The following VIPAS39 variants were observed in gnomAD, a reference collection of about 807,000 sequenced individuals.
VIPAS39 encodes spermatogenesis-defective protein 39 homolog.
In VIPAS39, 63 loss-of-function variants were observed where a neutral mutation model predicts 84.7. The observed-to-expected ratio is 0.74, with a 90% CI of 0.61 to 0.92. The LOEUF (loss-of-function observed/expected upper bound fraction) is 0.92, where lower values mean the gene tolerates loss of function less well. Among genes scored for constraint, VIPAS39 ranks in the 40% least tolerant of loss-of-function variants. The pLI is 0.00. For missense variants in VIPAS39, 499 were observed against 604.5 expected (o/e 0.83, Z 1.83); for synonymous variants, 192 against 216.5 (o/e 0.89, Z 0.99).
At chr14:77,444,469 A>G (rs1238934144) in intron 7 of VIPAS39, 128 bp from the exon 8 acceptor site, 12 of 798,992 alleles carry the variant, frequency 1.5e-5, no homozygotes, top group Non-Finnish European at 2.3e-5. Flanking sequence ...TTTTTACCCT[A>G]TGGTCCCCAG....
At chr14:77,434,198 C>A in intron 15 of VIPAS39, 64 bp downstream of exon 15, 1 of 1,506,046 alleles carries the variant, frequency 6.6e-7, no homozygotes, top group East Asian at 2.3e-5. Flanking sequence ...GGTTACAAAG[C>A]AACATCCACT....
Position 77,427,379 on chromosome 14 carries a change from T to G in VIPAS39, c.*237A>C, listed in dbSNP as rs564726501. 61 of 573,954 alleles carry G rather than the reference T, an allele frequency of 1.1e-4. 1 individual carries two copies. In the South Asian group the frequency reaches 1.2e-3, roughly 12 times the overall value. The allele number at this position is 573,954 out of a possible 1,614,324, so 35.6% of individuals were successfully genotyped here. ...TCTAGAAATCACTCCCACCTTCATA[T>G]GAGCACCAGGTGGAGAGAATCATTC... On this transcript the variant is annotated 3_prime_UTR_variant, in exon 20 of 20. Transcript: ENST00000557658.
intron 3 of VIPAS39, 83 bp downstream of exon 3, chr14:77,453,216 C>T: frequency 7.5e-7 from 1 of 1,335,338 alleles, no homozygotes; most frequent in Non-Finnish European, 1.1e-6. Flanking sequence ...TCCTAACTAG[C>T]ATTGAAGAAA....
chr14:77,441,475 T>C (rs545046772), intron 10 of VIPAS39, among the ~76,000 whole-genome samples: 1 of 152,288 alleles, frequency 6.6e-6, no homozygotes, highest in African/African-American at 2.4e-5. Context: ...GAGTACAATG[T>C]GTTTTGTCTC....
chr14:77,453,088 C>T (rs952068313), intron 3 of VIPAS39, among the ~76,000 whole-genome samples: 2 of 152,196 alleles, frequency 1.3e-5, no homozygotes, highest in Non-Finnish European at 2.9e-5. Flanking sequence ...GAGTCAACCC[C>T]TGAAGAGCAG....
At chr14:77,453,442 C>A in intron 2 of VIPAS39, 41 bp from the exon 3 acceptor site, 1 of 1,567,594 alleles carries the variant, frequency 6.4e-7, no homozygotes, top group Non-Finnish European at 8.8e-7. Flanking sequence ...GGCAAATCAT[C>A]ATTTCCCACC....
intron 13 of VIPAS39, 89 bp from the exon 14 acceptor site, chr14:77,435,482 G>A (rs2078596030): frequency 1.9e-6 from 3 of 1,541,832 alleles, no homozygotes; most frequent in Non-Finnish European, 2.6e-6. Flanking sequence ...TACAGCAGTT[G>A]TGTTTCCCAC....
At chr14:77,447,822 G>GAA (rs1566735625) in intron 7 of VIPAS39, among the ~76,000 whole-genome samples, 9 of 151,656 alleles carry the variant, frequency 5.9e-5, no homozygotes, top group African/African-American at 2.2e-4. Context: ...CACCACGCCC[G>GAA]CCTAATTTTT....
intron 4 of VIPAS39, 46 bp downstream of exon 4, chr14:77,451,140 TG>T (rs1324677104): frequency 6.2e-7 from 1 of 1,613,550 alleles, no homozygotes; most frequent in Non-Finnish European, 8.5e-7. Flanking sequence ...AAGATTTTTC[TG>T]GAAAAAGAGA....
intron 16 of VIPAS39, among the ~76,000 whole-genome samples, chr14:77,430,969 A>G (rs2078513479): frequency 6.6e-6 from 1 of 152,158 alleles, no homozygotes; most frequent in Non-Finnish European, 1.5e-5. Context: ...TGGTGCTGGG[A>G]AAACTGGATT....
intron 17 of VIPAS39, 124 bp from the exon 18 acceptor site, chr14:77,429,219 C>A: frequency 1.3e-6 from 1 of 797,592 alleles, no homozygotes; most frequent in South Asian, 1.4e-5. Context: ...CAGTTTCCAT[C>A]ATCAACCACA....
At chr14:77,443,803 G>A (rs1037866771) in intron 8 of VIPAS39, among the ~76,000 whole-genome samples, 1 of 151,468 alleles carries the variant, frequency 6.6e-6, no homozygotes, top group Non-Finnish European at 1.5e-5. Flanking sequence ...GCTGAGGCAG[G>A]AGTATCACAC....
intron 14 of VIPAS39, 148 bp downstream of exon 14, chr14:77,435,111 A>T: frequency 8.0e-7 from 1 of 1,246,768 alleles, no homozygotes; most frequent in Non-Finnish European, 1.2e-6. Context: ...AGGCCCTCTT[A>T]CCCCTGGTGA....
At position 77,428,379 on chromosome 14, in the gene VIPAS39, G is replaced by C; in HGVS notation, c.1452C>G (p.Leu484=). The C allele has an allele frequency of 1.2e-6, 2 of 1,613,906 alleles. No homozygotes were observed. The highest frequency in any genetic ancestry group is 1.1e-5 in the South Asian group (1 of 91,058). The change falls in exon 19 of 20, where the codon CTC becomes CTG. Residue 484 remains leucine, a synonymous_variant. Transcript: ENST00000557658. ...SAEEEKIDAL[L]SSSQIRWKN The stretch of plus-strand genomic sequence containing the variant: ...AACTGTAGCTGCTCACCGAGCTGCT[G>C]AGAAGAGCATCAATCTTCTCCTCCT...
At chr14:77,434,829 G>A (rs1213442288) in intron 14 of VIPAS39, among the ~76,000 whole-genome samples, 1 of 151,734 alleles carries the variant, frequency 6.6e-6, no homozygotes, top group Non-Finnish European at 1.5e-5. Context: ...AACCCAGGAG[G>A]CGGAGGTTAC....
intron 8 of VIPAS39, among the ~76,000 whole-genome samples, chr14:77,443,589 A>G (rs570950841): frequency 1.8e-4 from 28 of 152,132 alleles, no homozygotes; most frequent in Non-Finnish European, 3.7e-4. Context: ...TCTCTACAAA[A>G]AAATTTAAAA....
At chr14:77,448,470 C>T in intron 7 of VIPAS39, 24 bp downstream of exon 7, 1 of 1,613,668 alleles carries the variant, frequency 6.2e-7, no homozygotes, top group South Asian at 1.1e-5. Flanking sequence ...CCCAAAGAAC[C>T]TCACAAAAAT....
chr14:77,456,651 T>A lies in VIPAS39; in HGVS notation c.-1+844A>T, dbSNP rs112898293. On this transcript the variant is annotated intron_variant, in intron 1 of 19. Transcript: ENST00000557658. ...CTTGCATGGTCCTTCTACCTATTTT[T>A]CACTTTCCAGAAAACTAGAGATCAT... Among the ~76,000 whole-genome samples the A allele has an allele frequency of 3.4e-3, 516 of 152,340 alleles. 10 individuals are homozygous for A. Among genetic ancestry groups the A allele is most frequent in the Non-Finnish European group, 4.0e-3 (269 of 68,030 alleles).
chr14:77,438,006 G>T (rs2078641000), intron 11 of VIPAS39, 125 bp from the exon 12 acceptor site: 1 of 909,356 alleles, frequency 1.1e-6, no homozygotes, highest in East Asian at 2.6e-5. Flanking sequence ...ATGGTTATTG[G>T]AGGCGGGTGG....
Sources: allele counts gnomAD v4.1 joint callset (sites outside exome capture counted in the v4.1 genomes callset), GRCh38; gene constraint gnomAD v4.1.1; transcripts MANE v1.5; gene names NCBI Gene and HGNC (gene_info 2026-07-23, HGNC 2026-07-21).